CAP2: variants seen among roughly 807,000 people sequenced by gnomAD.
The protein encoded by CAP2 is cyclase associated actin cytoskeleton regulatory protein 2.
A neutral mutation model predicts 57.7 loss-of-function variants in CAP2; 24 were observed. The observed-to-expected ratio is 0.42, with a 90% CI of 0.30 to 0.58. The LOEUF (loss-of-function observed/expected upper bound fraction) is 0.58, where lower values mean the gene tolerates loss of function less well. Ranked by LOEUF, CAP2 falls within the 20% of genes least tolerant of loss-of-function variation. CAP2 has a pLI of 0.22. For synonymous variants in CAP2, 194 were observed against 207.2 expected (o/e 0.94, Z 0.55); for missense variants, 501 against 590.3 (o/e 0.85, Z 1.57).
At position 17,545,409 on chromosome 6, in the gene CAP2, C is replaced by A. The variant is rs1428389425; in HGVS notation, c.1209+2266C>A. Among the ~76,000 whole-genome samples the A allele has an allele frequency of 4.6e-5, 7 of 151,742 alleles. No individual in the cohort carries two copies. In the South Asian group the frequency reaches 8.3e-4, roughly 18 times the overall value. On this transcript the variant is annotated intron_variant, in intron 11 of 12. Transcript: ENST00000229922. ...GTATAAAATGTGAAAATGGGAAGTTCTAAATATTCATCATGTTTTTGGAGG... is the reference window on the plus strand; with the variant it reads ...GTATAAAATGTGAAAATGGGAAGTTATAAATATTCATCATGTTTTTGGAGG...
chr6:17,436,086 T>TTTCC (rs745555651), intron 3 of CAP2, among the ~76,000 whole-genome samples: 7,608 of 133,844 alleles, frequency 0.057, 224 homozygotes, highest in East Asian at 0.092. Context: ...TCTTTCTTTC[T>TTTCC]TTCCTTCCTT....
chr6:17,447,757 C>G (rs1039077366), intron 3 of CAP2, among the ~76,000 whole-genome samples: 18 of 152,312 alleles, frequency 1.2e-4, no homozygotes, highest in African/African-American at 4.3e-4. Context: ...CTTAGCCTCC[C>G]AAAGTGCTGG....
At chr6:17,539,121 C>A in intron 7 of CAP2, 148 bp from the exon 8 acceptor site, 1 of 676,994 alleles carries the variant, frequency 1.5e-6, no homozygotes, top group Non-Finnish European at 2.5e-6. Flanking sequence ...CCAAACAGAC[C>A]CATGATGCAC....
intron 9 of CAP2, among the ~76,000 whole-genome samples, chr6:17,541,646 A>C (rs770251433): frequency 3.3e-5 from 5 of 152,146 alleles, no homozygotes; most frequent in Non-Finnish European, 5.9e-5. Flanking sequence ...AGTATTTATC[A>C]TTTCTATGTG....
At chr6:17,450,171 C>T (rs574032774) in intron 3 of CAP2, among the ~76,000 whole-genome samples, 1 of 152,166 alleles carries the variant, frequency 6.6e-6, no homozygotes, top group African/African-American at 2.4e-5. Context: ...CCTGCCTCAG[C>T]CTCCCGAGTA....
At position 17,547,214 on chromosome 6, in the gene CAP2, G is replaced by T. The variant is rs187657504; in HGVS notation, c.1209+4071G>T. 1.2e-4 allele frequency among the ~76,000 whole-genome samples: 19 copies of T among 152,216 alleles called. No homozygotes were observed. In the East Asian group the frequency reaches 3.5e-3, roughly 28 times the overall value. On this transcript the variant is annotated intron_variant, in intron 11 of 12. Transcript: ENST00000229922. Reference sequence around the variant, plus strand: ...AAATACATTTATTGTACTTTATTAGGAGAAAATAACAGTCTTATACCATTA... The same window carrying T: ...AAATACATTTATTGTACTTTATTAGTAGAAAATAACAGTCTTATACCATTA...
In CAP2 at chr6:17,444,655, A is replaced by AG. The variant is rs1307310633; in HGVS notation, c.222+17965_222+17966insG. ...ACTCTGTCTCAAAAAAAAAAAAAAA[A>AG]AAAGTCATCATGGCCCAGGTTTTAA... On this transcript the variant is annotated intron_variant, in intron 3 of 12. Coordinates refer to ENST00000229922, the MANE Select transcript of CAP2 (RefSeq NM_006366.3). Among the ~76,000 whole-genome samples the AG allele has an allele frequency of 2.6e-3, 399 of 151,486 alleles. 1 individual carries two copies. Among genetic ancestry groups the AG allele is most frequent in the African/African-American group, 9.1e-3 (374 of 41,238 alleles).
chr6:17,504,012 A>C (rs999263818), intron 4 of CAP2, among the ~76,000 whole-genome samples: 25 of 152,188 alleles, frequency 1.6e-4, no homozygotes, highest in Non-Finnish European at 4.4e-5. Context: ...CCTTGAGAGC[A>C]CTTTGCTTTC....
intron 1 of CAP2, among the ~76,000 whole-genome samples, chr6:17,394,028 C>A (rs569634839): frequency 1.3e-5 from 2 of 149,810 alleles, no homozygotes; most frequent in Non-Finnish European, 3.0e-5. Context: ...GGCGTCCTGG[C>A]CGCTCGGAAG....
intron 3 of CAP2, among the ~76,000 whole-genome samples, chr6:17,447,943 C>T (rs1760304011): frequency 6.6e-6 from 1 of 152,250 alleles, no homozygotes; most frequent in Non-Finnish European, 1.5e-5. Context: ...TTCTCTACTA[C>T]ATCACACTGC....
intron 3 of CAP2, among the ~76,000 whole-genome samples, chr6:17,444,097 A>G (rs1320998): frequency 0.62 from 95,059 of 152,120 alleles, 30,711 homozygotes; most frequent in East Asian, 0.84. Context: ...AGCATGATTT[A>G]TAACTTTGGG....
In CAP2 at chr6:17,500,340, A is replaced by AATATATATATATATATATATATAT. The variant is rs4052821; in HGVS notation, c.301-6808_301-6785dup. Among the ~76,000 whole-genome samples, 36 of 33,064 alleles carry AATATATATATATATATATATATAT rather than the reference A, an allele frequency of 1.1e-3. 4 individuals are homozygous for AATATATATATATATATATATATAT. The highest frequency in any genetic ancestry group is 1.7e-3 in the Non-Finnish European group (25 of 14,772). 21.7% of individuals were successfully genotyped at this position (33,064 alleles called of 152,430 possible). A position where few individuals can be genotyped will look rare whatever the true frequency, so the allele number is the denominator to read the frequency against. On this transcript the variant is annotated intron_variant, in intron 4 of 12. Transcript: ENST00000229922. ...GTCCAAATATATATGTGTGTGTCCA[A>AATATATATATATATATATATATAT]ATATATATATATATATATATATATA...
chr6:17,525,109 G>A (rs1762475505), intron 7 of CAP2, among the ~76,000 whole-genome samples: 1 of 151,588 alleles, frequency 6.6e-6, no homozygotes, highest in African/African-American at 2.4e-5. Context: ...CACCATGTTG[G>A]CCAGGCTGGT....
At chr6:17,418,310 A>G (rs1280245665) in intron 1 of CAP2, among the ~76,000 whole-genome samples, 2 of 152,224 alleles carry the variant, frequency 1.3e-5, no homozygotes, top group African/African-American at 4.8e-5. Context: ...ACCCAGAGAC[A>G]TCTCTCCAAC....
chr6:17,481,061 G>T (rs1405041862), intron 4 of CAP2, among the ~76,000 whole-genome samples: 3 of 149,580 alleles, frequency 2.0e-5, no homozygotes, highest in Non-Finnish European at 4.4e-5. Context: ...AAAGTGCTGG[G>T]ATTACAGGTG....
chr6:17,489,526 T>C (rs1761499737), intron 4 of CAP2, among the ~76,000 whole-genome samples: 1 of 152,096 alleles, frequency 6.6e-6, no homozygotes, highest in South Asian at 2.1e-4. Context: ...TGTTAAGTCC[T>C]CAGAGTCCCA....
At chr6:17,452,222 C>G (rs1389600779) in intron 3 of CAP2, among the ~76,000 whole-genome samples, 7 of 152,362 alleles carry the variant, frequency 4.6e-5, no homozygotes, top group Middle Eastern at 6.8e-3. Context: ...GCTGGCCCTT[C>G]TGTCTCACCA....
intron 7 of CAP2, among the ~76,000 whole-genome samples, chr6:17,535,923 CT>C (rs1762762291): frequency 6.6e-6 from 1 of 151,442 alleles, no homozygotes. Context: ...GCCTAGTCGT[CT>C]TTGGAATTTT....
At chr6:17,508,198 A>G (rs1160016631) in intron 6 of CAP2, among the ~76,000 whole-genome samples, 1 of 152,216 alleles carries the variant, frequency 6.6e-6, no homozygotes, top group Non-Finnish European at 1.5e-5. Context: ...TATGAAATAC[A>G]ACTGGGGTGT....
Sources: allele counts gnomAD v4.1 joint callset (sites outside exome capture counted in the v4.1 genomes callset), GRCh38; gene constraint gnomAD v4.1.1; transcripts MANE v1.5; gene names NCBI Gene and HGNC (gene_info 2026-07-23, HGNC 2026-07-21).